The following ADARB2 variants were observed in gnomAD, a reference collection of about 807,000 sequenced individuals.
The protein encoded by ADARB2 is adenosine deaminase RNA specific B2 (inactive), also known as inactive double-stranded RNA-specific editase B2.
ADARB2 carries 25 observed loss-of-function variants against 62.2 expected under a neutral mutation model. That is an observed-to-expected ratio of 0.40 (90% CI 0.29 to 0.56). The LOEUF (loss-of-function observed/expected upper bound fraction) is 0.56. Among genes scored for constraint, ADARB2 ranks in the 20% least tolerant of loss-of-function variants. The probability of loss-of-function intolerance (pLI) is 0.43; values close to 1 mark genes in which losing one functional copy is unlikely to be tolerated. For synonymous variants in ADARB2, 572 were observed against 500.8 expected (o/e 1.14, Z -1.90); for missense variants, 1,071 against 1,077.4 (o/e 0.99, Z 0.08).
intron 1 of ADARB2, among the ~76,000 whole-genome samples, chr10:1,572,214 AGT>A (rs759526636): frequency 7.3e-5 from 11 of 149,760 alleles, no homozygotes; most frequent in Non-Finnish European, 1.5e-4. Context: ...TGTGCAGGTG[AGT>A]GTACAAGTGA....
chr10:1,731,905 G>A (rs1215675664), intron 1 of ADARB2, among the ~76,000 whole-genome samples: 1 of 152,178 alleles, frequency 6.6e-6, no homozygotes, highest in African/African-American at 2.4e-5. Context: ...ATGGCAATAA[G>A]CACTTATAAA....
intron 4 of ADARB2, among the ~76,000 whole-genome samples, chr10:1,246,330 T>C (rs1830986391): frequency 6.8e-6 from 1 of 146,140 alleles, no homozygotes; most frequent in Non-Finnish European, 1.5e-5. Context: ...GTGCAGAAGC[T>C]CTTTAGTTTA....
rs371127491 is a variant in ADARB2, at chr10:1,185,020, C to G, written c.1884G>C (p.Ala628=). Residue 628 remains alanine (A), a synonymous_variant, in exon 9 of 10, where the codon GCG becomes GCC. Transcript: ENST00000381312. The part of the protein sequence containing the change: ...PLLSGVSDAE[A]RQPGKSPPFS... ...AGGGGGGCGACTTCCCCGGCTGGCGCGCCTCGGCGTCACTCACGCCTGTCG... is the reference window on the plus strand; with the variant it reads ...AGGGGGGCGACTTCCCCGGCTGGCGGGCCTCGGCGTCACTCACGCCTGTCG... 1.9e-6 allele frequency: 3 copies of G among 1,612,790 alleles called. No individual in the cohort carries two copies. The highest frequency in any genetic ancestry group is 1.1e-5 in the South Asian group (1 of 91,024).
chr10:1,635,600 C>G (rs1270828778), intron 1 of ADARB2, among the ~76,000 whole-genome samples: 1 of 152,172 alleles, frequency 6.6e-6, no homozygotes, highest in South Asian at 2.1e-4. Flanking sequence ...TTCCCTCCGT[C>G]GGGACAGCCT....
intron 1 of ADARB2, among the ~76,000 whole-genome samples, chr10:1,533,910 G>A (rs971477735): frequency 2.0e-5 from 3 of 151,910 alleles, no homozygotes; most frequent in Non-Finnish European, 2.9e-5. Context: ...GGTTTTTAAC[G>A]TAATCATTTA....
At chr10:1,645,265 C>G (rs889492081) in intron 1 of ADARB2, among the ~76,000 whole-genome samples, 1 of 152,228 alleles carries the variant, frequency 6.6e-6, no homozygotes, top group African/African-American at 2.4e-5. Flanking sequence ...GGCTATGGTA[C>G]AGCCCACTGG....
intron 4 of ADARB2, among the ~76,000 whole-genome samples, chr10:1,268,892 C>T (rs1466445956): frequency 1.3e-5 from 2 of 152,176 alleles, no homozygotes; most frequent in Non-Finnish European, 2.9e-5. Flanking sequence ...ATCATTTCCC[C>T]ACAAGCCTCT....
At chr10:1,671,344 G>A (rs1233222671) in intron 1 of ADARB2, among the ~76,000 whole-genome samples, 1 of 152,236 alleles carries the variant, frequency 6.6e-6, no homozygotes, top group Non-Finnish European at 1.5e-5. Flanking sequence ...AAGGATGCAT[G>A]TGTGGTTTTG....
chr10:1,386,451 G>C (rs1832526052), intron 1 of ADARB2, among the ~76,000 whole-genome samples: 1 of 151,816 alleles, frequency 6.6e-6, no homozygotes, highest in Non-Finnish European at 1.5e-5. Context: ...ATATAGACAG[G>C]TTAAAAGTCA....
intron 6 of ADARB2, among the ~76,000 whole-genome samples, chr10:1,229,216 TA>T (rs1292841290): frequency 6.6e-6 from 1 of 152,116 alleles, no homozygotes; most frequent in African/African-American, 2.4e-5. Context: ...AAAAATAAAA[TA>T]GGGCCATCTA....
chr10:1,428,375 C>T lies in ADARB2; in HGVS notation c.101-49215G>A, dbSNP rs577179361. Among the ~76,000 whole-genome samples, 150 of 151,958 alleles carry T rather than the reference C, an allele frequency of 9.9e-4. 1 individual carries two copies. Among genetic ancestry groups the T allele is most frequent in the Middle Eastern group, 3.4e-3 (1 of 292 alleles). ...TATCTCGGCTCACTGCAAGCTCCGC[C>T]TCCCAGGTTCACGCCATTCTCTTGC... On this transcript the variant is annotated intron_variant, in intron 1 of 9. Coordinates refer to ENST00000381312, the MANE Select transcript of ADARB2 (RefSeq NM_018702.4).
rs547220541 is a variant in ADARB2 at position 1,573,900 on chromosome 10, G to A, written c.100+163151C>T. ...GTCAGTGACACCCAGTAAGATGGCC[G>A]CTGGGCAGGACACAAGACACGTCCT... On this transcript the variant is annotated intron_variant, in intron 1 of 9. Coordinates refer to ENST00000381312, the MANE Select transcript of ADARB2 (RefSeq NM_018702.4). Among the ~76,000 whole-genome samples, 131 of 152,322 alleles carry A rather than the reference G, an allele frequency of 8.6e-4. 1 individual carries two copies. Among genetic ancestry groups the A allele is most frequent in the African/African-American group, 3.0e-3 (126 of 41,570 alleles).
intron 1 of ADARB2, among the ~76,000 whole-genome samples, chr10:1,434,596 A>G (rs1830814962): frequency 1.3e-5 from 2 of 152,260 alleles, no homozygotes; most frequent in South Asian, 4.2e-4. Context: ...AACAGGACCC[A>G]TTTAGAATTA....
intron 1 of ADARB2, among the ~76,000 whole-genome samples, chr10:1,663,733 C>T (rs1394261881): frequency 3.3e-5 from 5 of 152,018 alleles, no homozygotes; most frequent in Non-Finnish European, 5.9e-5. Context: ...GATTCTTCTG[C>T]CTTAGCCTCC....
chr10:1,695,794 A>ATG (rs1430937533), intron 1 of ADARB2, among the ~76,000 whole-genome samples: 2 of 152,212 alleles, frequency 1.3e-5, no homozygotes, highest in African/African-American at 4.8e-5. Flanking sequence ...ACATGGGTGC[A>ATG]TGTGTGTATA....
chr10:1,243,495 C>T (rs938335172), intron 4 of ADARB2, among the ~76,000 whole-genome samples: 11 of 138,202 alleles, frequency 8.0e-5, no homozygotes, highest in African/African-American at 2.4e-4. Context: ...CTTCTCGCTT[C>T]TCACACACTT....
At chr10:1,298,865 G>A (rs1237467880) in intron 3 of ADARB2, among the ~76,000 whole-genome samples, 1 of 150,238 alleles carries the variant, frequency 6.7e-6, no homozygotes, top group Non-Finnish European at 1.5e-5. Context: ...TTAGCCTCCC[G>A]AGAAGCTAGG....
rs375212698 is a variant in ADARB2 at position 1,508,522 on chromosome 10, G to A, written c.101-129362C>T. On this transcript the variant is annotated intron_variant, in intron 1 of 9. Transcript: ENST00000381312. ...TAGCTGGGCACAGTGGCTCACGCCTGTAATCCCAGCACTTCGGGAGACCAA... is the reference window on the plus strand; with the variant it reads ...TAGCTGGGCACAGTGGCTCACGCCTATAATCCCAGCACTTCGGGAGACCAA... Among the ~76,000 whole-genome samples, 231 of 152,334 alleles carry A rather than the reference G, an allele frequency of 1.5e-3. 1 individual carries two copies. In the South Asian group the frequency reaches 0.017, roughly 11 times the overall value.
intron 1 of ADARB2, among the ~76,000 whole-genome samples, chr10:1,445,234 A>T (rs1309034607): frequency 7.0e-6 from 1 of 142,720 alleles, no homozygotes; most frequent in Non-Finnish European, 1.5e-5. Flanking sequence ...TTCATTCACC[A>T]CCCATCCATC....
Sources: gnomAD v4.1 joint callset for allele counts (sites outside exome capture counted in the v4.1 genomes callset) on GRCh38, gnomAD v4.1.1 for gene constraint, MANE v1.5 for transcripts, NCBI Gene and HGNC (gene_info 2026-07-23, HGNC 2026-07-21) for gene names.